Variants in RNF217 observed in about 807,000 individuals in gnomAD.
RNF217 encodes ring finger protein 217.
A neutral mutation model predicts 57.8 loss-of-function variants in RNF217; 31 were observed. That is an observed-to-expected ratio of 0.54 (90% CI 0.40 to 0.72). The LOEUF is 0.72. Among genes scored for constraint, RNF217 ranks in the 30% least tolerant of loss-of-function variants. The pLI, the probability that RNF217 is intolerant of heterozygous loss-of-function variation, is 0.00. For synonymous variants in RNF217, 313 were observed against 294.0 expected (o/e 1.06, Z -0.66); for missense variants, 696 against 708.3 (o/e 0.98, Z 0.20).
intron 3 of RNF217, among the ~76,000 whole-genome samples, chr6:125,076,034 A>G (rs146433532): frequency 6.6e-6 from 1 of 152,160 alleles, no homozygotes; most frequent in Non-Finnish European, 1.5e-5. Context: ...CTGTGTTTAC[A>G]TGTAACTTGA....
intron 2 of RNF217, among the ~76,000 whole-genome samples, chr6:125,050,013 T>C (rs77496024): frequency 1.3e-3 from 199 of 152,052 alleles, no homozygotes; most frequent in African/African-American, 4.5e-3. Flanking sequence ...GGGATTGTCA[T>C]TGAACTTACG....
intron 1 of RNF217, among the ~76,000 whole-genome samples, chr6:124,981,471 G>A (rs1162538074): frequency 6.6e-6 from 1 of 152,114 alleles, no homozygotes; most frequent in Non-Finnish European, 1.5e-5. Flanking sequence ...GGTTGGGGGG[G>A]CGGTGACTTT....
intron 1 of RNF217, among the ~76,000 whole-genome samples, 183 bp downstream of exon 1, chr6:124,963,609 T>A (rs936692895): frequency 6.6e-6 from 1 of 152,242 alleles, no homozygotes; most frequent in Non-Finnish European, 1.5e-5. Flanking sequence ...TTTACTTAAC[T>A]GGAATTTAAC....
At chr6:125,036,703 G>A (rs966218492) in intron 1 of RNF217, among the ~76,000 whole-genome samples, 1 of 151,856 alleles carries the variant, frequency 6.6e-6, no homozygotes, top group African/African-American at 2.4e-5. Flanking sequence ...AGTGGATGAA[G>A]GATATGAACA....
At chr6:124,978,431 A>C (rs1226778388) in intron 1 of RNF217, among the ~76,000 whole-genome samples, 1 of 151,138 alleles carries the variant, frequency 6.6e-6, no homozygotes, top group Non-Finnish European at 1.5e-5. Context: ...GGGTGCCAGC[A>C]ACTAGATGAG....
intron 1 of RNF217, chr6:125,009,474 A>T: frequency 4.0e-6 from 1 of 251,104 alleles, no homozygotes; most frequent in Non-Finnish European, 7.0e-6. Flanking sequence ...AAGAAGGCAG[A>T]AAAAAAAAAG....
At chr6:125,058,293 A>G (rs147348310) in intron 3 of RNF217, among the ~76,000 whole-genome samples, 187 bp downstream of exon 3, 3 of 152,212 alleles carry the variant, frequency 2.0e-5, no homozygotes, top group African/African-American at 7.2e-5. Context: ...GTATATTCTT[A>G]TTTTTGCATT....
At position 125,020,682 on chromosome 6, in the gene RNF217, G is replaced by T. The variant is rs114124269; in HGVS notation, c.883-24529G>T. 3.6e-3 allele frequency among the ~76,000 whole-genome samples: 554 copies of T among 152,042 alleles called. 4 individuals are homozygous for T. Among genetic ancestry groups the T allele is most frequent in the African/African-American group, 0.012 (488 of 41,444 alleles). ...GCGTATTGCTTTGGCTTGTCTTGTT[G>T]GAAACTATTTTTACCTCACATAGAA... On this transcript the variant is annotated intron_variant, in intron 1 of 5. Coordinates refer to ENST00000521654, the MANE Select transcript of RNF217 (RefSeq NM_001286398.3).
chr6:125,044,283 A>G (rs2114529445), intron 1 of RNF217, among the ~76,000 whole-genome samples: 2 of 152,190 alleles, frequency 1.3e-5, no homozygotes, highest in Middle Eastern at 3.4e-3. Context: ...TGGACAAAAG[A>G]GATTGTAATG....
intron 1 of RNF217, among the ~76,000 whole-genome samples, chr6:125,027,551 G>T (rs1786156216): frequency 6.6e-6 from 1 of 152,030 alleles, no homozygotes; most frequent in South Asian, 2.1e-4. Flanking sequence ...TTTACCATTT[G>T]TCTGTTGATG....
At chr6:125,054,830 C>T (rs1787463921) in intron 2 of RNF217, among the ~76,000 whole-genome samples, 1 of 152,122 alleles carries the variant, frequency 6.6e-6, no homozygotes, top group African/African-American at 2.4e-5. Flanking sequence ...TTCTGTGTTT[C>T]CAACAAGTTC....
chr6:125,085,962 G>T lies in RNF217; in HGVS notation c.*3025G>T, dbSNP rs1320095661. 1 of 151,882 alleles carries T rather than the reference G, an allele frequency of 6.6e-6. No homozygotes were observed. Among genetic ancestry groups the T allele is most frequent in the Non-Finnish European group, 1.5e-5 (1 of 67,858 alleles). 9.4% of individuals were successfully genotyped at this position (151,882 alleles called of 1,614,324 possible). On this transcript the variant is annotated 3_prime_UTR_variant, in exon 6 of 6. Transcript: ENST00000521654. ...AATTACTGCATAATCCATTGTAGGA[G>T]TATACTTTAACTTATTGAATTAGTC...
chr6:125,040,349 G>A (rs887287451), intron 1 of RNF217, among the ~76,000 whole-genome samples: 2 of 152,040 alleles, frequency 1.3e-5, no homozygotes, highest in Admixed American at 1.3e-4. Context: ...AGAAGAAATG[G>A]ATAAATCCCT....
At chr6:125,028,283 C>T (rs1786195988) in intron 1 of RNF217, among the ~76,000 whole-genome samples, 1 of 152,046 alleles carries the variant, frequency 6.6e-6, no homozygotes, top group Admixed American at 6.6e-5. Context: ...CCCAACAATG[C>T]ACAGGTGAAC....
chr6:125,082,927 T>C lies in RNF217; in HGVS notation c.1619T>C (p.Met540Thr). ...KKQRKRSRTG[M>T]HW The stretch of plus-strand genomic sequence containing the variant: ...CAGAGAAAACGATCACGGACAGGTA[T>C]GCACTGGTAACATGCAGATGATTTC... Residue 540 changes from methionine to threonine, a missense_variant, in exon 6 of 6, where the codon ATG becomes ACG. Met to Thr is a moderately conservative substitution (Grantham distance 81, BLOSUM62 -1). Transcript: ENST00000521654. 4.4e-6 allele frequency: 7 copies of C among 1,600,906 alleles called. No homozygotes were observed. Among genetic ancestry groups the C allele is most frequent in the Non-Finnish European group, 6.0e-6 (7 of 1,176,024 alleles).
intron 1 of RNF217, among the ~76,000 whole-genome samples, chr6:125,017,546 G>A (rs1785657640): frequency 6.6e-6 from 1 of 152,148 alleles, no homozygotes; most frequent in Admixed American, 6.6e-5. Context: ...CTATCTTGGG[G>A]AAAGAAGACT....
At chr6:124,980,391 A>T (rs182147607) in intron 1 of RNF217, among the ~76,000 whole-genome samples, 317 of 152,328 alleles carry the variant, frequency 2.1e-3, no homozygotes, top group Non-Finnish European at 3.2e-3. Flanking sequence ...CCTTCCCAGA[A>T]ATAACAAAGG....
intron 1 of RNF217, among the ~76,000 whole-genome samples, chr6:124,969,112 C>T (rs527631628): frequency 1.3e-5 from 2 of 152,274 alleles, no homozygotes; most frequent in African/African-American, 4.8e-5. Flanking sequence ...TAAGCCAGTT[C>T]TGGGACACCA....
chr6:125,066,513 T>TA (rs1787943336), intron 3 of RNF217, among the ~76,000 whole-genome samples: 1 of 152,144 alleles, frequency 6.6e-6, no homozygotes, highest in South Asian at 2.1e-4. Context: ...GGAATGTTCT[T>TA]ACCACAGATG....
Sources: gnomAD v4.1 joint callset for allele counts (sites outside exome capture counted in the v4.1 genomes callset) on GRCh38, gnomAD v4.1.1 for gene constraint, MANE v1.5 for transcripts, NCBI Gene and HGNC (gene_info 2026-07-23, HGNC 2026-07-21) for gene names.